Variants in TRPM3 observed in about 807,000 individuals in gnomAD.
TRPM3 encodes transient receptor potential cation channel subfamily M member 3.
In TRPM3, 77 loss-of-function variants were observed where a neutral mutation model predicts 181.2. The ratio of observed to expected loss-of-function variants is 0.42; its 90% CI spans 0.35 to 0.51. The LOEUF (loss-of-function observed/expected upper bound fraction) is 0.51. Ranked by LOEUF, TRPM3 falls within the 20% of genes least tolerant of loss-of-function variation. The pLI is 0.01. For synonymous variants in TRPM3, 745 were observed against 796.4 expected (o/e 0.94, Z 1.09); for missense variants, 1,759 against 2,196.7 (o/e 0.80, Z 3.98).
rs2094956870 is a variant in TRPM3, at chr9:70,846,435, G to A, written c.619C>T (p.Leu207Phe). The A allele has an allele frequency of 1.2e-6, 2 of 1,614,154 alleles. No homozygotes were observed. Among genetic ancestry groups the A allele is most frequent in the Non-Finnish European group, 8.5e-7 (1 of 1,180,026 alleles). The change falls in exon 4 of 26, where the codon CTC becomes TTC. Residue 207 changes from leucine to phenylalanine, a missense_variant. Transcript: ENST00000677713. ...PKLKQVFGKG[L>F]IKAAMTTGAW... ...CCAGTTGTCATTGCTGCTTTGATGA[G>A]CCCTTTCCCAAAGACTTGCTTGAGT...
At chr9:70,898,747 C>CAAAAAAAAAAAAA (rs34952516) in intron 1 of TRPM3, among the ~76,000 whole-genome samples, 3 of 93,312 alleles carry the variant, frequency 3.2e-5, no homozygotes, top group East Asian at 3.3e-4. Context: ...GACTTCATCT[C>CAAAAAAAAAAAAA]AAAAAAAAAA....
At chr9:71,136,864 T>C (rs1430247083) in intron 1 of TRPM3, among the ~76,000 whole-genome samples, 1 of 152,152 alleles carries the variant, frequency 6.6e-6, no homozygotes, top group African/African-American at 2.4e-5. Context: ...GGAAGTAGTT[T>C]TGTACAGCAA....
chr9:70,574,139 C>T (rs1183209045), intron 22 of TRPM3, among the ~76,000 whole-genome samples: 1 of 151,930 alleles, frequency 6.6e-6, no homozygotes, highest in African/African-American at 2.4e-5. Context: ...CCATCATCAA[C>T]AACATAATCA....
intron 1 of TRPM3, among the ~76,000 whole-genome samples, chr9:70,897,423 C>T (rs936876689): frequency 2.0e-5 from 3 of 151,138 alleles, no homozygotes; most frequent in Admixed American, 6.6e-5. Flanking sequence ...TACATTCTTA[C>T]TCATATGATC....
chr9:71,121,210 C>T lies in TRPM3; in HGVS notation c.145G>A (p.Ala49Thr). The change falls in exon 1 of 26, where the codon GCA becomes ACA. Residue 49 changes from alanine to threonine, a missense_variant. Transcript: ENST00000677713. The stretch of plus-strand genomic sequence containing the variant: ...AGTCTGACAGATGGAAGAAAGGCTG[C>T]GTGGCACAGCTTCCGGATGGTCCAG... The part of the protein sequence containing the change: ...LNWTIRKLCH[A>T]AFLPSVRLLK... 1 of 1,613,952 alleles carries T rather than the reference C, an allele frequency of 6.2e-7. No individual in the cohort carries two copies. The highest frequency in any genetic ancestry group is 8.5e-7 in the Non-Finnish European group (1 of 1,179,882).
At chr9:70,657,145 A>T (rs1216153755) in intron 9 of TRPM3, among the ~76,000 whole-genome samples, 1 of 148,758 alleles carries the variant, frequency 6.7e-6, no homozygotes, top group African/African-American at 2.4e-5. Context: ...ATGATTAAGT[A>T]GTTTGTAATT....
chr9:71,017,328 T>A (rs978790), intron 1 of TRPM3, among the ~76,000 whole-genome samples: 4 of 151,676 alleles, frequency 2.6e-5, no homozygotes, highest in Non-Finnish European at 5.9e-5. Flanking sequence ...GTGGCCTATT[T>A]GAACCAAAAT....
intron 1 of TRPM3, among the ~76,000 whole-genome samples, chr9:71,074,902 G>A (rs776515817): frequency 6.6e-6 from 1 of 152,098 alleles, no homozygotes; most frequent in Non-Finnish European, 1.5e-5. Flanking sequence ...ATCATAAAAA[G>A]TGAGGGTGAA....
chr9:70,909,405 T>G (rs550549981), intron 1 of TRPM3, among the ~76,000 whole-genome samples: 1 of 152,086 alleles, frequency 6.6e-6, no homozygotes. Flanking sequence ...CATAGTATGG[T>G]AGGGTTGGGC....
intron 1 of TRPM3, among the ~76,000 whole-genome samples, chr9:70,900,920 T>C (rs1191883745): frequency 6.6e-6 from 1 of 152,232 alleles, no homozygotes; most frequent in Non-Finnish European, 1.5e-5. Flanking sequence ...GACTATGTCT[T>C]TGAGGTTTAC....
At chr9:71,405,719 C>T (rs1442395690) in intron 1 of TRPM3, among the ~76,000 whole-genome samples, 3 of 152,084 alleles carry the variant, frequency 2.0e-5, no homozygotes, top group South Asian at 2.1e-4. Flanking sequence ...CTTCTCCTTT[C>T]GTGCTTATAA....
intron 1 of TRPM3, among the ~76,000 whole-genome samples, chr9:71,144,811 TTAATA>T (rs1274246090): frequency 1.3e-5 from 2 of 152,326 alleles, no homozygotes; most frequent in Middle Eastern, 3.4e-3. Context: ...AGCAATATGC[TTAATA>T]TAATAATTTT....
chr9:71,137,590 T>C (rs2074846337), intron 1 of TRPM3, among the ~76,000 whole-genome samples: 1 of 152,220 alleles, frequency 6.6e-6, no homozygotes, highest in Admixed American at 6.5e-5. Flanking sequence ...TGGAAAAATA[T>C]AGCTCTTCTT....
chr9:71,355,711 G>A (rs1448454030), intron 1 of TRPM3, among the ~76,000 whole-genome samples: 2 of 152,152 alleles, frequency 1.3e-5, no homozygotes, highest in Admixed American at 1.3e-4. Context: ...ACCAAAGGAA[G>A]ACCCTCTGGC....
chr9:70,804,806 A>T (rs535263672), intron 6 of TRPM3, among the ~76,000 whole-genome samples: 1 of 151,762 alleles, frequency 6.6e-6, no homozygotes, highest in East Asian at 1.9e-4. Context: ...ATCTCTCCTT[A>T]GCCCTTACCA....
At chr9:70,956,734 A>T (rs1282561338) in intron 1 of TRPM3, among the ~76,000 whole-genome samples, 6 of 151,872 alleles carry the variant, frequency 4.0e-5, no homozygotes, top group Non-Finnish European at 5.9e-5. Context: ...AAAAATTTAA[A>T]AACTAGCCAG....
At chr9:71,229,097 A>T (rs2080881159) in intron 1 of TRPM3, among the ~76,000 whole-genome samples, 1 of 152,210 alleles carries the variant, frequency 6.6e-6, no homozygotes, top group South Asian at 2.1e-4. Context: ...CCCAGACAGC[A>T]TGGTACTGGC....
At position 71,233,297 on chromosome 9, in the gene TRPM3, A is replaced by G. The variant is rs571313307; in HGVS notation, c.183+213356T>C. ...ATGCTTCATTATTTTTAAAGCTGTA[A>G]CAATCACTTGTAGCCAACAGACAAC... On this transcript the variant is annotated intron_variant, in intron 1 of 24. Coordinates refer to the TRPM3 transcript ENST00000357533. Among the ~76,000 whole-genome samples, 18 of 152,342 alleles carry G rather than the reference A, an allele frequency of 1.2e-4. No individual in the cohort carries two copies. In the South Asian group the frequency reaches 3.7e-3, roughly 32 times the overall value.
chr9:70,837,371 G>A (rs2039645), intron 5 of TRPM3, among the ~76,000 whole-genome samples: 80,388 of 151,972 alleles, frequency 0.53, 21,885 homozygotes, highest in Non-Finnish European at 0.56. Flanking sequence ...TATAAAACTT[G>A]GAGAAATAAA....
Sources: allele counts gnomAD v4.1 joint callset (sites outside exome capture counted in the v4.1 genomes callset), GRCh38; gene constraint gnomAD v4.1.1; transcripts MANE v1.5; gene names NCBI Gene and HGNC (gene_info 2026-07-23, HGNC 2026-07-21).